The following WWOX variants were observed in gnomAD, a reference collection of about 807,000 sequenced individuals.
WWOX encodes the protein WW domain containing oxidoreductase.
A neutral mutation model predicts 46.2 loss-of-function variants in WWOX; 69 were observed. The observed-to-expected ratio is 1.49, with a 90% CI of 1.23 to 1.82. The LOEUF (loss-of-function observed/expected upper bound fraction) is 1.82. WWOX is among the 40% of genes most tolerant of loss of function. WWOX has a pLI of 0.00. For synonymous variants in WWOX, 359 were observed against 202.6 expected (o/e 1.77, Z -6.56); for missense variants, 919 against 542.6 (o/e 1.69, Z -6.89).
At chr16:78,212,241 AG>A (rs938885770) in intron 5 of WWOX, among the ~76,000 whole-genome samples, 19 of 152,184 alleles carry the variant, frequency 1.2e-4, no homozygotes, top group Non-Finnish European at 2.6e-4. Flanking sequence ...TCCATGGAAA[AG>A]GGGGGATTGA....
intron 8 of WWOX, among the ~76,000 whole-genome samples, chr16:78,482,545 A>G (rs543940869): frequency 6.6e-6 from 1 of 152,302 alleles, no homozygotes; most frequent in East Asian, 1.9e-4. Context: ...TATTTAAGAA[A>G]AATTAACCAG....
chr16:78,802,464 A>G (rs1022576050), intron 8 of WWOX, among the ~76,000 whole-genome samples: 1 of 152,138 alleles, frequency 6.6e-6, no homozygotes, highest in Non-Finnish European at 1.5e-5. Context: ...GAAATCCACT[A>G]TATTAATCTG....
intron 8 of WWOX, among the ~76,000 whole-genome samples, chr16:78,621,116 C>T (rs532920389): frequency 2.0e-5 from 3 of 152,270 alleles, no homozygotes; most frequent in African/African-American, 7.2e-5. Context: ...TTTGAAAATG[C>T]TGGGTTTTAA....
intron 5 of WWOX, among the ~76,000 whole-genome samples, chr16:78,354,772 G>T (rs1281151863): frequency 1.3e-5 from 2 of 151,560 alleles, no homozygotes; most frequent in Non-Finnish European, 2.9e-5. Context: ...CATGTTTTTG[G>T]GTTTTTCTAG....
At chr16:79,124,849 G>C (rs1233178037) in intron 8 of WWOX, among the ~76,000 whole-genome samples, 2 of 152,184 alleles carry the variant, frequency 1.3e-5, no homozygotes, top group Non-Finnish European at 2.9e-5. Flanking sequence ...GATGAGGAAT[G>C]AAAATGAAGG....
In WWOX at chr16:78,432,690, C is replaced by G. The variant is rs923399366; in HGVS notation, c.994C>G (p.His332Asp). The G allele has an allele frequency of 4.3e-6, 7 of 1,614,070 alleles. No individual in the cohort carries two copies. The African/African-American group carries it at 8.0e-5, about 18-fold the overall frequency. ...HPGNMMYSNI[H>D]RSWWVYTLLF... ...TGGAAATATGATGTACTCCAACATTCATCGCAGCTGGTGGGTGTACACACT... is the reference window on the plus strand; with the variant it reads ...TGGAAATATGATGTACTCCAACATTGATCGCAGCTGGTGGGTGTACACACT... Residue 332 changes from histidine to aspartate, a missense_variant, in exon 8 of 9, where the codon CAT becomes GAT. His to Asp is a moderately conservative substitution (Grantham distance 81). Transcript: ENST00000566780.
At chr16:79,190,083 G>C (rs566013732) in intron 8 of WWOX, among the ~76,000 whole-genome samples, 1 of 152,028 alleles carries the variant, frequency 6.6e-6, no homozygotes, top group Non-Finnish European at 1.5e-5. Context: ...CCAGGGCGGC[G>C]GTGTGATCTC....
chr16:79,156,093 C>G (rs879831090), intron 8 of WWOX, among the ~76,000 whole-genome samples: 1 of 152,178 alleles, frequency 6.6e-6, no homozygotes, highest in Admixed American at 6.5e-5. Flanking sequence ...TTTGCACAGT[C>G]TCACTACTCA....
At chr16:78,939,537 T>C (rs964971290) in intron 8 of WWOX, among the ~76,000 whole-genome samples, 1 of 152,240 alleles carries the variant, frequency 6.6e-6, no homozygotes, top group Non-Finnish European at 1.5e-5. Context: ...AGGAGATTTA[T>C]TTTTGGCAAA....
chr16:78,718,542 A>G (rs914389113), intron 8 of WWOX, among the ~76,000 whole-genome samples: 2 of 152,164 alleles, frequency 1.3e-5, no homozygotes, highest in Non-Finnish European at 2.9e-5. Context: ...TTTATCTTTT[A>G]GAAAATTAAT....
intron 5 of WWOX, among the ~76,000 whole-genome samples, chr16:78,175,811 G>A (rs1354240082): frequency 1.3e-5 from 2 of 152,200 alleles, no homozygotes; most frequent in South Asian, 2.1e-4. Context: ...TGATGTAGCG[G>A]TAGATAACTA....
chr16:78,812,735 TA>T (rs151122360), intron 8 of WWOX, among the ~76,000 whole-genome samples: 14 of 147,758 alleles, frequency 9.5e-5, no homozygotes, highest in African/African-American at 1.5e-4. Context: ...TCCCACCCCC[TA>T]AAAAAAAAAT....
At chr16:78,472,579 C>T (rs9921568) in intron 8 of WWOX, among the ~76,000 whole-genome samples, 2 of 151,764 alleles carry the variant, frequency 1.3e-5, no homozygotes, top group Non-Finnish European at 2.9e-5. Context: ...AAGGCCAAGG[C>T]GGGTGGATCA....
chr16:78,974,511 C>G (rs1210271215), intron 8 of WWOX, among the ~76,000 whole-genome samples: 1 of 152,176 alleles, frequency 6.6e-6, no homozygotes, highest in East Asian at 1.9e-4. Flanking sequence ...ATGAATCCGT[C>G]TCTGTTAAGG....
chr16:78,460,835 T>G (rs994747197), intron 8 of WWOX, among the ~76,000 whole-genome samples: 1 of 152,256 alleles, frequency 6.6e-6, no homozygotes, highest in Non-Finnish European at 1.5e-5. Context: ...GTTTTTAGTT[T>G]GCTCTGTTAC....
chr16:79,202,664 T>G (rs1326202646), intron 8 of WWOX: 1 of 152,168 alleles, frequency 6.6e-6, no homozygotes, highest in African/African-American at 2.4e-5. Flanking sequence ...TTAAAGAGTT[T>G]GAGAGAGTTT....
intron 8 of WWOX, among the ~76,000 whole-genome samples, chr16:79,035,051 T>A (rs1346066221): frequency 2.0e-5 from 3 of 152,216 alleles, no homozygotes; most frequent in African/African-American, 7.2e-5. Context: ...TTTCCTACAT[T>A]CAACATTGTA....
chr16:78,487,817 CT>C (rs1279089424), intron 8 of WWOX, among the ~76,000 whole-genome samples: 1 of 152,092 alleles, frequency 6.6e-6, no homozygotes, highest in East Asian at 1.9e-4. Context: ...GTTTTTAGCC[CT>C]CCTTTTCTCT....
intron 8 of WWOX, among the ~76,000 whole-genome samples, chr16:79,207,390 G>C (rs2051551485): frequency 6.6e-6 from 1 of 152,220 alleles, no homozygotes; most frequent in Admixed American, 6.5e-5. Context: ...TGGGACGTTA[G>C]TCATGGGAAC....
Sources: gnomAD v4.1 joint callset for allele counts (sites outside exome capture counted in the v4.1 genomes callset) on GRCh38, gnomAD v4.1.1 for gene constraint, MANE v1.5 for transcripts, NCBI Gene and HGNC (gene_info 2026-07-23, HGNC 2026-07-21) for gene names.